The following DSE variants were observed in gnomAD, a reference collection of about 807,000 sequenced individuals.
DSE encodes dermatan sulfate epimerase, also known as dermatan-sulfate epimerase.
DSE carries 36 observed loss-of-function variants against 84.4 expected under a neutral mutation model. The ratio of observed to expected loss-of-function variants is 0.43; its 90% CI spans 0.33 to 0.56. DSE has a LOEUF of 0.56. Among genes scored for constraint, DSE ranks in the 20% least tolerant of loss-of-function variants. The probability of loss-of-function intolerance (pLI) is 0.06; values close to 1 mark genes in which losing one functional copy is unlikely to be tolerated. For synonymous variants in DSE, 410 were observed against 430.1 expected, an observed-to-expected ratio of 0.95 and a Z score of 0.58; for missense variants, 862 against 1,169.6, an observed-to-expected ratio of 0.74 and a Z score of 3.84.
In DSE at chr6:116,340,795, A is replaced by G. The variant is rs147715472; in HGVS notation, c.-53-58403A>G. 6.8e-3 allele frequency among the ~76,000 whole-genome samples: 1,035 copies of G among 152,264 alleles called. 21 individuals carry two copies. The highest frequency in any genetic ancestry group is 0.053 in the South Asian group (257 of 4,822). ...AGAATGATGGTTTCCAGCGTCATCA[A>G]TGTCACTACAAAGGACATGAACTCA... On this transcript the variant is annotated intron_variant, in intron 2 of 3. Transcript: ENST00000430252.
At chr6:116,362,980 G>A (rs777502863) in intron 2 of DSE, among the ~76,000 whole-genome samples, 53 of 152,172 alleles carry the variant, frequency 3.5e-4, no homozygotes, top group Non-Finnish European at 5.9e-4. Context: ...TTTTCCAAAT[G>A]TACAGGGGAA....
intron 2 of DSE, among the ~76,000 whole-genome samples, chr6:116,351,554 T>C (rs1023271307): frequency 2.6e-5 from 4 of 152,196 alleles, no homozygotes; most frequent in Non-Finnish European, 5.9e-5. Context: ...TATAGTGATG[T>C]TTGTTATTTA....
At chr6:116,310,343 C>T (rs796316148) in intron 2 of DSE, among the ~76,000 whole-genome samples, 16 of 152,152 alleles carry the variant, frequency 1.1e-4, no homozygotes, top group African/African-American at 3.9e-4. Flanking sequence ...TTTAAATATA[C>T]TGATAAATCC....
At chr6:116,327,569 G>C (rs370617294) in intron 2 of DSE, among the ~76,000 whole-genome samples, 5 of 152,150 alleles carry the variant, frequency 3.3e-5, no homozygotes, top group African/African-American at 1.2e-4. Context: ...AACCACAGCT[G>C]GAGTCCAGGG....
At chr6:116,364,182 T>C (rs951191383) in intron 2 of DSE, among the ~76,000 whole-genome samples, 1 of 152,234 alleles carries the variant, frequency 6.6e-6, no homozygotes, top group Admixed American at 6.5e-5. Context: ...TGTTAAACTG[T>C]TGTTGGGTTT....
chr6:116,293,684 T>C (rs1430138922), intron 2 of DSE, among the ~76,000 whole-genome samples: 1 of 152,236 alleles, frequency 6.6e-6, no homozygotes, highest in East Asian at 1.9e-4. Flanking sequence ...ACAAGATTGC[T>C]TGAGCTCAGG....
intron 2 of DSE, among the ~76,000 whole-genome samples, chr6:116,295,209 A>G (rs545515399): frequency 6.6e-6 from 1 of 152,248 alleles, no homozygotes; most frequent in African/African-American, 2.4e-5. Context: ...AAGGTGGGAG[A>G]GGAGAAGATG....
chr6:116,288,969 A>G (rs1356199469), intron 2 of DSE, among the ~76,000 whole-genome samples: 1 of 152,106 alleles, frequency 6.6e-6, no homozygotes, highest in Admixed American at 6.6e-5. Context: ...TTGGGAGTAT[A>G]TAAGTAGAAG....
At chr6:116,359,327 C>A (rs10485182) in intron 2 of DSE, among the ~76,000 whole-genome samples, 6,936 of 152,088 alleles carry the variant, frequency 0.046, 505 homozygotes, top group African/African-American at 0.15. Flanking sequence ...GTAGGTTTGC[C>A]TCTATGATAT....
At chr6:116,429,075 C>T (rs1226680961) in intron 3 of DSE, among the ~76,000 whole-genome samples, 2 of 152,154 alleles carry the variant, frequency 1.3e-5, no homozygotes, top group Non-Finnish European at 2.9e-5. Context: ...GCATCAGTCA[C>T]ATTGGTATCT....
chr6:116,316,610 C>G (rs3935474), intron 2 of DSE, among the ~76,000 whole-genome samples: 48,412 of 151,326 alleles, frequency 0.32, 8,371 homozygotes, highest in East Asian at 0.66. Context: ...ATCCCCTCAA[C>G]TCATGAAATA....
intron 1 of DSE, among the ~76,000 whole-genome samples, chr6:116,377,704 G>A (rs1163005761): frequency 6.6e-6 from 1 of 152,152 alleles, no homozygotes; most frequent in Non-Finnish European, 1.5e-5. Flanking sequence ...ATAAAAATCA[G>A]TAGGTCATTT....
At chr6:116,397,797 G>A (rs1781355671) in intron 1 of DSE, among the ~76,000 whole-genome samples, 1 of 152,090 alleles carries the variant, frequency 6.6e-6, no homozygotes, top group African/African-American at 2.4e-5. Flanking sequence ...TTCTGCTGTT[G>A]AAATAAATGT....
intron 2 of DSE, among the ~76,000 whole-genome samples, chr6:116,295,021 G>C (rs76465387): frequency 0.042 from 6,389 of 152,144 alleles, 454 homozygotes; most frequent in African/African-American, 0.14. Context: ...GACTGCCCAC[G>C]GTGGGGTGGA....
At chr6:116,258,165 G>A (rs1772223054) in intron 1 of DSE, among the ~76,000 whole-genome samples, 1 of 151,574 alleles carries the variant, frequency 6.6e-6, no homozygotes, top group Non-Finnish European at 1.5e-5. Context: ...ACAGGCACCT[G>A]CCACCATGCC....
At chr6:116,430,446 G>T (rs574251576) in intron 3 of DSE, among the ~76,000 whole-genome samples, 3 of 152,280 alleles carry the variant, frequency 2.0e-5, no homozygotes, top group Admixed American at 2.0e-4. Flanking sequence ...CCAACATAAA[G>T]TTATATGCAT....
chr6:116,309,927 A>T (rs907514679), intron 2 of DSE, among the ~76,000 whole-genome samples: 1 of 152,194 alleles, frequency 6.6e-6, no homozygotes, highest in Non-Finnish European at 1.5e-5. Context: ...ATTGAGGATT[A>T]AGTTTCCATA....
At chr6:116,348,163 C>T (rs1206361359) in intron 2 of DSE, among the ~76,000 whole-genome samples, 2 of 152,192 alleles carry the variant, frequency 1.3e-5, no homozygotes, top group Non-Finnish European at 2.9e-5. Context: ...CACGGTGGCT[C>T]ACGCCTGTAA....
chr6:116,308,436 T>C (rs1308407840), intron 2 of DSE, among the ~76,000 whole-genome samples: 1 of 152,208 alleles, frequency 6.6e-6, no homozygotes, highest in African/African-American at 2.4e-5. Context: ...AAAATATTTG[T>C]TGATAAATAT....
Sources: gnomAD v4.1 joint callset for allele counts (sites outside exome capture counted in the v4.1 genomes callset) on GRCh38, gnomAD v4.1.1 for gene constraint, MANE v1.5 for transcripts, NCBI Gene and HGNC (gene_info 2026-07-23, HGNC 2026-07-21) for gene names.